PIGG: variants seen among roughly 807,000 people sequenced by gnomAD.
PIGG encodes the protein phosphatidylinositol glycan anchor biosynthesis class G (EMM blood group).
PIGG carries 70 observed loss-of-function variants against 83.2 expected under a neutral mutation model. The observed-to-expected ratio is 0.84, with a 90% CI of 0.69 to 1.03. The LOEUF (loss-of-function observed/expected upper bound fraction) is 1.03, where lower values mean the gene tolerates loss of function less well. PIGG is among the 50% of genes least tolerant of loss of function. PIGG has a pLI of 0.00. For missense variants in PIGG, 1,257 were observed against 1,233.6 expected (o/e 1.02, Z -0.28); for synonymous variants, 532 against 519.5 (o/e 1.02, Z -0.33).
At chr4:530,338 C>G in intron 10 of PIGG, 98 bp from the exon 11 acceptor site, 1 of 840,244 alleles carries the variant, frequency 1.2e-6, no homozygotes, top group Non-Finnish European at 1.9e-6. Context: ...TGGACATTTA[C>G]TGGTTCCCTG....
At chr4:512,019 T>C (rs782670168) in intron 5 of PIGG, among the ~76,000 whole-genome samples, 1 of 152,184 alleles carries the variant, frequency 6.6e-6, no homozygotes, top group Non-Finnish European at 1.5e-5. Flanking sequence ...TGTATCTGTA[T>C]TTTATGTTTA....
chr4:511,244 G>C (rs1490438154), intron 5 of PIGG, among the ~76,000 whole-genome samples: 2 of 146,228 alleles, frequency 1.4e-5, no homozygotes, highest in Non-Finnish European at 3.0e-5. Context: ...AGTGAGCCGA[G>C]ATCGTGCCAT....
In PIGG at chr4:515,257, T is replaced by C. The variant is rs567796024; in HGVS notation, c.902-716T>C. On this transcript the variant is annotated intron_variant, in intron 5 of 12. Transcript: ENST00000453061. The surrounding 1 kb of genome is among the most constrained non-coding windows in gnomAD (Gnocchi z 4.2). ...TTGCTGTCTTTACAGATGAAAACAC[T>C]TCGACCAAGTTGAGTTTCTGCTCCG... Among the ~76,000 whole-genome samples the C allele has an allele frequency of 6.6e-5, 10 of 152,364 alleles. No homozygotes were observed. The highest frequency in any genetic ancestry group is 2.2e-4 in the African/African-American group (9 of 41,594).
At chr4:534,379 C>T (rs921071349) in intron 12 of PIGG, among the ~76,000 whole-genome samples, 9 of 152,220 alleles carry the variant, frequency 5.9e-5, no homozygotes, top group African/African-American at 1.7e-4. Context: ...AGATAAAAGA[C>T]GGCTCTCGGC....
intron 6 of PIGG, 91 bp from the exon 7 acceptor site, chr4:520,965 G>A: frequency 4.6e-6 from 4 of 871,808 alleles, no homozygotes; most frequent in Non-Finnish European, 7.6e-6. Flanking sequence ...TTTGCCGTGT[G>A]CCATGCATAA....
chr4:523,592 A>G lies in PIGG; in HGVS notation c.1748A>G (p.Asn583Ser). ...EEHQTWYFLVNTLCLALSQET... is the reference protein window; with the variant it reads ...EEHQTWYFLVSTLCLALSQET... ...CACCAGACCTGGTACTTCCTTGTGA[A>G]CACCCTGTGTCTAGCTCTGAGCCAA... is the stretch of plus-strand genomic sequence containing the variant. The change falls in exon 9 of 13, where the codon AAC (asparagine) becomes AGC (serine). Residue 583 changes from asparagine (N) to serine (S), a missense_variant. Transcript: ENST00000453061. 6.2e-7 allele frequency: 1 copy of G among 1,614,098 alleles called. No individual in the cohort carries two copies. The highest frequency in any genetic ancestry group is 8.5e-7 in the Non-Finnish European group (1 of 1,180,008).
At position 528,689 on chromosome 4, in the gene PIGG, T is replaced by A; in HGVS notation, c.2261+1459T>A. On this transcript the variant is annotated intron_variant, in intron 10 of 12. Coordinates refer to ENST00000453061, the MANE Select transcript of PIGG (RefSeq NM_001127178.3). This position sits in a 1 kb window ranked among gnomAD's most constrained non-coding sequence, Gnocchi z 4.8. Reference sequence around the variant, plus strand: ...TACATTTGCGGGTGTGTGTTTAAGGTGCAGCGTATGAATAAATTCATTTCC... The same window carrying A: ...TACATTTGCGGGTGTGTGTTTAAGGAGCAGCGTATGAATAAATTCATTTCC... 1.0e-6 allele frequency: 1 copy of A among 985,312 alleles called. No individual in the cohort carries two copies. The highest frequency in any genetic ancestry group is 4.7e-5 in the South Asian group (1 of 21,286). The allele number at this position is 985,312 out of a possible 1,614,324, so 61.0% of individuals were successfully genotyped here.
At chr4:525,752 T>C (rs897831385) in intron 9 of PIGG, 5 of 152,206 alleles carry the variant, frequency 3.3e-5, no homozygotes, top group Admixed American at 1.3e-4. Flanking sequence ...CGCAGATGGG[T>C]CCTTCTATCT....
In PIGG at chr4:499,498, C is replaced by T. The variant is rs1553874275; in HGVS notation, c.154+9C>T. The T allele has an allele frequency of 2.5e-6, 4 of 1,586,096 alleles. No homozygotes were observed. Among genetic ancestry groups the T allele is most frequent in the Non-Finnish European group, 3.4e-6 (4 of 1,172,838 alleles). On this transcript the variant is annotated intron_variant, in intron 1 of 12. Coordinates refer to ENST00000453061, the MANE Select transcript of PIGG (RefSeq NM_001127178.3). ...GCCCGAACCCTCGGCTGGTACGGAC[C>T]CCTCCCCGGCGTCTCCGCTCCCCTG...
At chr4:502,920 G>A (rs1420934766) in intron 2 of PIGG, among the ~76,000 whole-genome samples, 1 of 151,874 alleles carries the variant, frequency 6.6e-6, no homozygotes, top group Admixed American at 6.6e-5. Flanking sequence ...AGTCCATGAT[G>A]TATAAAGAGG....
At chr4:536,300 A>G (rs931356657) in intron 12 of PIGG, 1 of 152,304 alleles carries the variant, frequency 6.6e-6, no homozygotes, top group African/African-American at 2.4e-5. Context: ...CTCCCTGGCC[A>G]GACTGCAAGC....
At chr4:505,270 T>C (rs921948156) in intron 2 of PIGG, among the ~76,000 whole-genome samples, 1 of 151,978 alleles carries the variant, frequency 6.6e-6, no homozygotes, top group African/African-American at 2.4e-5. Flanking sequence ...AATATGGTTA[T>C]CTTTGTTACT....
intron 12 of PIGG, chr4:537,487 A>G (rs1195227140): frequency 1.3e-5 from 2 of 152,428 alleles, no homozygotes; most frequent in East Asian, 1.9e-4. Flanking sequence ...CTTCCTGCCC[A>G]GTATGTTCAC....
intron 2 of PIGG, among the ~76,000 whole-genome samples, chr4:503,088 T>A (rs1278677947): frequency 1.3e-5 from 2 of 152,108 alleles, no homozygotes; most frequent in African/African-American, 4.8e-5. Context: ...TTTTTGTTTA[T>A]CATATTGTAA....
chr4:528,064 C>G lies in PIGG; in HGVS notation c.2261+834C>G. 2.0e-6 allele frequency: 2 copies of G among 985,328 alleles called. No individual in the cohort carries two copies. The highest frequency in any genetic ancestry group is 2.4e-6 in the Non-Finnish European group (2 of 829,888). The allele number at this position is 985,328 out of a possible 1,614,324, so 61.0% of individuals were successfully genotyped here. ...AGTGATCCTCCCAGTGAGGTCGGTG[C>G]TCTGACAGTGACCGTCCCAGTGAGG... On this transcript the variant is annotated intron_variant, in intron 10 of 12. Transcript: ENST00000453061. The surrounding 1 kb of genome is among the most constrained non-coding windows in gnomAD (Gnocchi z 4.8).
chr4:511,993 AC>A, intron 5 of PIGG, among the ~76,000 whole-genome samples: 1 of 152,216 alleles, frequency 6.6e-6, no homozygotes, highest in East Asian at 1.9e-4. Context: ...TTTGTCTTTT[AC>A]CATTTTTGCT....
chr4:509,196 G>C (rs1720990701), intron 5 of PIGG, among the ~76,000 whole-genome samples: 1 of 152,168 alleles, frequency 6.6e-6, no homozygotes, highest in Non-Finnish European at 1.5e-5. Context: ...TTGTATGAAT[G>C]TTGCTGCCTG....
rs116776215 is a variant in PIGG, at chr4:518,879, G to A, written c.1115-2177G>A. On this transcript the variant is annotated intron_variant, in intron 6 of 12. Transcript: ENST00000453061. ...CGTTTTAGAACCCACAGCCAGGCCCGTGCAGTCCCTCGGTGGCGTCCAGTC... is the reference window on the plus strand; with the variant it reads ...CGTTTTAGAACCCACAGCCAGGCCCATGCAGTCCCTCGGTGGCGTCCAGTC... 1.6e-3 allele frequency among the ~76,000 whole-genome samples: 243 copies of A among 152,226 alleles called. 1 individual carries two copies. The highest frequency in any genetic ancestry group is 5.4e-3 in the African/African-American group (224 of 41,546).
chr4:521,233 AC>A lies in PIGG; in HGVS notation c.1293del (p.Asp431GlufsTer5), dbSNP rs1560331605. ...LSLSAQVAQY[D>X]IYSMMVGTVV... is the part of the protein sequence containing the mutation. Reference sequence around the variant, plus strand: ...CTGAGTGCACAAGTGGCCCAGTACGACATCTATTCGATGATGGTGGGGACTG... The same window carrying A: ...CTGAGTGCACAAGTGGCCCAGTACGAATCTATTCGATGATGGTGGGGACTG... On this transcript the variant is annotated frameshift_variant, in exon 7 of 13. Transcript: ENST00000453061. LOFTEE classifies it high-confidence loss of function. 3 of 1,614,122 alleles carry A rather than the reference AC, an allele frequency of 1.9e-6. No homozygotes were observed. Among genetic ancestry groups the A allele is most frequent in the East Asian group, 2.2e-5 (1 of 44,886 alleles).
Sources: gnomAD v4.1 joint callset for allele counts (sites outside exome capture counted in the v4.1 genomes callset) on GRCh38, gnomAD v4.1.1 for gene constraint, Gnocchi (gnomAD v3.1) non-coding constraint, MANE v1.5 for transcripts, NCBI Gene and HGNC (gene_info 2026-07-23, HGNC 2026-07-21) for gene names.